GNA13: variants seen among roughly 807,000 people sequenced by gnomAD.
GNA13 encodes the protein guanine nucleotide-binding protein subunit alpha-13.
Under a neutral mutation model 33.5 loss-of-function variants are expected in GNA13, and 4 were observed. That is an observed-to-expected ratio of 0.12 (90% CI 0.06 to 0.27). The LOEUF (loss-of-function observed/expected upper bound fraction) is 0.27, where lower values mean the gene tolerates loss of function less well. Ranked by LOEUF, GNA13 falls within the 10% of genes least tolerant of loss-of-function variation. GNA13 has a pLI of 1.00. For missense variants in GNA13, 319 were observed against 487.2 expected, an observed-to-expected ratio of 0.65 and a Z score of 3.25; for synonymous variants, 176 against 183.8, an observed-to-expected ratio of 0.96 and a Z score of 0.34.
intron 3 of GNA13, among the ~76,000 whole-genome samples, chr17:65,017,178 C>G (rs1598479261): frequency 6.6e-6 from 1 of 152,178 alleles, no homozygotes; most frequent in East Asian, 1.9e-4. Flanking sequence ...CAACATACAC[C>G]TATGCCAGCT....
chr17:65,055,113 C>G (rs1907996817), intron 1 of GNA13, among the ~76,000 whole-genome samples: 1 of 151,980 alleles, frequency 6.6e-6, no homozygotes, highest in Non-Finnish European at 1.5e-5. Flanking sequence ...ACTTCCTGAA[C>G]AAAAATCCCA....
rs1368591220 is a variant in GNA13 at position 65,012,248 on chromosome 17, ATC to A, written c.*2007_*2008del. 9.0e-6 allele frequency: 2 copies of A among 222,404 alleles called. No individual in the cohort carries two copies. The highest frequency in any genetic ancestry group is 4.5e-5 in the African/African-American group (2 of 44,818). The allele number at this position is 222,404 out of a possible 1,614,324, so 13.8% of individuals were successfully genotyped here. On this transcript the variant is annotated 3_prime_UTR_variant, in exon 4 of 4. Transcript: ENST00000439174. ...GATGAAGTGTCCTCTTTCTATAGGG[ATC>A]TAACTTGAGCCCTCACTGGAGTCAA...
intron 2 of GNA13, among the ~76,000 whole-genome samples, chr17:65,028,407 CAAA>C (rs1184832409): frequency 1.7e-4 from 9 of 54,096 alleles, no homozygotes; most frequent in Middle Eastern, 9.8e-3. Context: ...AGGCTGTCTC[CAAA>C]AAAAAAAAAA....
intron 2 of GNA13, among the ~76,000 whole-genome samples, chr17:65,026,739 T>C (rs539135815): frequency 1.3e-5 from 2 of 152,308 alleles, no homozygotes; most frequent in South Asian, 2.1e-4. Flanking sequence ...TATAAAGACA[T>C]ATACATGAAC....
rs1906092202 is a variant in GNA13 at position 65,009,334 on chromosome 17, A to G, written c.*4923T>C. 6.6e-6 allele frequency among the ~76,000 whole-genome samples: 1 copy of G among 152,260 alleles called. No individual in the cohort carries two copies. The highest frequency in any genetic ancestry group is 1.5e-5 in the Non-Finnish European group (1 of 68,048). ...TATTAAATGTCAGTAATTTTTACAA[A>G]GCAAATATTAATAGCAAGAGGCAAA... is the stretch of plus-strand genomic sequence containing the variant. On this transcript the variant is annotated 3_prime_UTR_variant, in exon 4 of 4. Transcript: ENST00000439174.
intron 3 of GNA13, 50 bp downstream of exon 3, chr17:65,018,203 C>A (rs774917152): frequency 3.5e-6 from 3 of 845,738 alleles, no homozygotes; most frequent in South Asian, 2.7e-5. Flanking sequence ...GATATCCTGA[C>A]TTCTGCTTTC....
chr17:65,053,386 T>C (rs368683995), intron 2 of GNA13, 116 bp downstream of exon 2: 7 of 687,388 alleles, frequency 1.0e-5, no homozygotes, highest in Non-Finnish European at 1.6e-5. Context: ...TGTTCCTCCA[T>C]CTCAAATACT....
At chr17:65,028,150 C>T (rs529118904) in intron 2 of GNA13, among the ~76,000 whole-genome samples, 8 of 152,264 alleles carry the variant, frequency 5.3e-5, no homozygotes, top group African/African-American at 7.2e-5. Flanking sequence ...GGCGTGAACC[C>T]GGGAGGCGGA....
At chr17:65,023,447 TTTC>T (rs1906662436) in intron 2 of GNA13, among the ~76,000 whole-genome samples, 1 of 152,202 alleles carries the variant, frequency 6.6e-6, no homozygotes, top group South Asian at 2.1e-4. Flanking sequence ...ATGGAACTGA[TTTC>T]TTTTCCTGAA....
In GNA13 at chr17:65,043,375, C is replaced by A. The variant is rs572435993; in HGVS notation, c.510+10127G>T. On this transcript the variant is annotated intron_variant, in intron 2 of 3. Coordinates refer to ENST00000439174, the MANE Select transcript of GNA13 (RefSeq NM_006572.6). ...CAATCTCAGGTCACTGCAACTCTGC[C>A]TCCCAGGGTCAAGCAGTCCTCTTGT... Among the ~76,000 whole-genome samples, 116 of 151,948 alleles carry A rather than the reference C, an allele frequency of 7.6e-4. 1 individual carries two copies. Among genetic ancestry groups the A allele is most frequent in the African/African-American group, 2.6e-3 (109 of 41,404 alleles).
intron 2 of GNA13, among the ~76,000 whole-genome samples, chr17:65,035,541 A>T (rs1907211868): frequency 1.3e-5 from 2 of 152,224 alleles, no homozygotes; most frequent in Non-Finnish European, 2.9e-5. Context: ...ATGTTTTAAA[A>T]TTTTAAACTT....
Position 65,010,383 on chromosome 17 carries a change from C to T in GNA13, c.*3874G>A, listed in dbSNP as rs1021529027. On this transcript the variant is annotated 3_prime_UTR_variant, in exon 4 of 4. Coordinates refer to ENST00000439174, the MANE Select transcript of GNA13 (RefSeq NM_006572.6). ...TTATTAATAAGCCCTAACCTCGTAC[C>T]ATAAAAAAATGGGCATGTGCTGTAT... Among the ~76,000 whole-genome samples, 5 of 151,908 alleles carry T rather than the reference C, an allele frequency of 3.3e-5. No homozygotes were observed. The highest frequency in any genetic ancestry group is 5.9e-5 in the Non-Finnish European group (4 of 67,972).
At chr17:65,050,204 G>C (rs946278096) in intron 2 of GNA13, among the ~76,000 whole-genome samples, 1 of 152,138 alleles carries the variant, frequency 6.6e-6, no homozygotes, top group African/African-American at 2.4e-5. Flanking sequence ...ACAAAATAGA[G>C]GAAAGGAGGG....
intron 2 of GNA13, among the ~76,000 whole-genome samples, chr17:65,023,339 G>C (rs1419283827): frequency 6.6e-6 from 1 of 152,206 alleles, no homozygotes. Flanking sequence ...ACCATCAGCA[G>C]GTCATGAGTT....
intron 2 of GNA13, among the ~76,000 whole-genome samples, chr17:65,034,497 A>T (rs942985534): frequency 6.6e-6 from 1 of 151,484 alleles, no homozygotes; most frequent in Admixed American, 6.6e-5. Context: ...ACGGGGTTTC[A>T]CCCTGTTAGC....
At chr17:65,016,511 C>T (rs2143769599) in intron 3 of GNA13, among the ~76,000 whole-genome samples, 1 of 152,310 alleles carries the variant, frequency 6.6e-6, no homozygotes. Flanking sequence ...CAGGTGTGCA[C>T]CACCACGGCC....
intron 2 of GNA13, among the ~76,000 whole-genome samples, chr17:65,043,184 C>T (rs1907526164): frequency 6.6e-6 from 1 of 152,190 alleles, no homozygotes; most frequent in African/African-American, 2.4e-5. Flanking sequence ...TCCACTTTAT[C>T]CCACAGCATG....
rs899948127 is a variant in GNA13 at position 65,053,613 on chromosome 17, G to A, written c.399C>T (p.Ala133=). 4 of 1,613,150 alleles carry A rather than the reference G, an allele frequency of 2.5e-6. No individual in the cohort carries two copies. Among genetic ancestry groups the A allele is most frequent in the African/African-American group, 2.7e-5 (2 of 74,834 alleles). ...AAACCCTTGTTTCCACCATTCCTTG[G>A]GCTGCCATGGGGGCCCGGGTATCAA... ...MSFDTRAPMA[A]QGMVETRVFL... Residue 133 remains alanine (A), a synonymous_variant, in exon 2 of 4, where the codon GCC becomes GCT. Transcript: ENST00000439174.
chr17:65,048,982 A>AC (rs1231404573), intron 2 of GNA13, among the ~76,000 whole-genome samples: 2 of 152,102 alleles, frequency 1.3e-5, no homozygotes, highest in African/African-American at 2.4e-5. Flanking sequence ...ACACATTTCA[A>AC]CCCCCCCAAA....
Sources: allele counts gnomAD v4.1 joint callset (sites outside exome capture counted in the v4.1 genomes callset), GRCh38; gene constraint gnomAD v4.1.1; transcripts MANE v1.5; gene names NCBI Gene and HGNC (gene_info 2026-07-23, HGNC 2026-07-21).